The following EPHA3 variants were observed in gnomAD, a reference collection of about 807,000 sequenced individuals.
The protein encoded by EPHA3 is ephrin type-A receptor 3.
A neutral mutation model predicts 107.1 loss-of-function variants in EPHA3; 42 were observed. The observed-to-expected ratio is 0.39, with a 90% CI of 0.31 to 0.51. EPHA3 has a LOEUF of 0.51. EPHA3 is among the 20% of genes least tolerant of loss of function. The probability of loss-of-function intolerance (pLI) is 0.78; values close to 1 mark genes in which losing one functional copy is unlikely to be tolerated. For missense variants in EPHA3, 1,183 were observed against 1,211.2 expected (o/e 0.98, Z 0.35); for synonymous variants, 461 against 424.8 (o/e 1.09, Z -1.05).
At chr3:89,298,032 C>G (rs1395153069) in intron 3 of EPHA3, among the ~76,000 whole-genome samples, 3 of 152,110 alleles carry the variant, frequency 2.0e-5, no homozygotes, top group Non-Finnish European at 4.4e-5. Context: ...AAGACTTCCT[C>G]TCAAAAAACA....
intron 16 of EPHA3, 70 bp from the exon 17 acceptor site, chr3:89,479,327 G>C: frequency 8.3e-7 from 1 of 1,201,352 alleles, no homozygotes; most frequent in Non-Finnish European, 1.2e-6. Flanking sequence ...TGCAAATTGT[G>C]CTAATTGAAA....
chr3:89,230,509 C>T (rs1704603054), intron 3 of EPHA3, among the ~76,000 whole-genome samples: 1 of 151,954 alleles, frequency 6.6e-6, no homozygotes, highest in Admixed American at 6.6e-5. Context: ...TAGTATGAAG[C>T]TACTATAAAA....
chr3:89,142,776 A>G (rs960841161), intron 2 of EPHA3, among the ~76,000 whole-genome samples: 1 of 151,484 alleles, frequency 6.6e-6, no homozygotes, highest in Non-Finnish European at 1.5e-5. Flanking sequence ...TGTTATAATC[A>G]TTAGGAATTT....
intron 1 of EPHA3, among the ~76,000 whole-genome samples, chr3:89,109,347 A>G (rs918609375): frequency 6.6e-6 from 1 of 152,102 alleles, no homozygotes; most frequent in African/African-American, 2.4e-5. Flanking sequence ...TAACATGTAT[A>G]ATAGGTAACA....
chr3:89,202,346 A>T (rs1705987481), intron 2 of EPHA3, among the ~76,000 whole-genome samples: 1 of 151,252 alleles, frequency 6.6e-6, no homozygotes, highest in Non-Finnish European at 1.5e-5. Flanking sequence ...AATAAAAAAT[A>T]AATAAATAAA....
chr3:89,307,726 A>AT (rs977399573), intron 3 of EPHA3, among the ~76,000 whole-genome samples: 2 of 151,852 alleles, frequency 1.3e-5, no homozygotes, highest in African/African-American at 2.4e-5. Flanking sequence ...TAATTTTTGT[A>AT]TTTTTTTGCA....
intron 3 of EPHA3, among the ~76,000 whole-genome samples, chr3:89,295,265 A>AC (rs1264691930): frequency 2.6e-5 from 4 of 152,190 alleles, no homozygotes; most frequent in African/African-American, 9.6e-5. Flanking sequence ...ATACTTTATT[A>AC]CTAAAAAATG....
chr3:89,166,789 A>G (rs1210627372), intron 2 of EPHA3, among the ~76,000 whole-genome samples: 1 of 152,234 alleles, frequency 6.6e-6, no homozygotes, highest in Non-Finnish European at 1.5e-5. Flanking sequence ...GCACCCTTTT[A>G]TTAAATTGAC....
At chr3:89,290,944 T>A (rs1207138886) in intron 3 of EPHA3, among the ~76,000 whole-genome samples, 3 of 152,172 alleles carry the variant, frequency 2.0e-5, no homozygotes, top group Non-Finnish European at 1.5e-5. Context: ...AAAAGAACAA[T>A]GAATACCAAG....
In EPHA3 at chr3:89,151,884, C is replaced by T. The variant is rs530338947; in HGVS notation, c.153+24611C>T. The stretch of plus-strand genomic sequence containing the variant: ...ATGACCTGAAGCTCAAGTAAGAAAA[C>T]TTTTCTCCAAATTCTGTTTGCAATG... On this transcript the variant is annotated intron_variant, in intron 2 of 16. Coordinates refer to ENST00000336596, the MANE Select transcript of EPHA3 (RefSeq NM_005233.6). Among the ~76,000 whole-genome samples, 43 of 152,158 alleles carry T rather than the reference C, an allele frequency of 2.8e-4. 2 individuals carry two copies. The East Asian group carries it at 6.4e-3, about 23-fold the overall frequency.
At chr3:89,340,823 T>C (rs911039952) in intron 3 of EPHA3, 93 bp from the exon 4 acceptor site, 10 of 1,275,094 alleles carry the variant, frequency 7.8e-6, no homozygotes, top group Non-Finnish European at 1.0e-5. Flanking sequence ...TTTTTATTTA[T>C]AATAAATTCA....
intron 2 of EPHA3, among the ~76,000 whole-genome samples, chr3:89,208,052 C>A (rs1046863276): frequency 5.9e-5 from 9 of 152,056 alleles, no homozygotes; most frequent in African/African-American, 1.7e-4. Context: ...CAGAAGAATG[C>A]ACAGTCCCAT....
In EPHA3 at chr3:89,150,981, A is replaced by G. The variant is rs189456486; in HGVS notation, c.153+23708A>G. 5.0e-3 allele frequency among the ~76,000 whole-genome samples: 762 copies of G among 152,134 alleles called. 9 individuals are homozygous for G. Among genetic ancestry groups the G allele is most frequent in the African/African-American group, 0.017 (719 of 41,528 alleles). ...GACAGAGTGAGAACCTGTCTATAAA[A>G]AAGAAGACAATACAGACAAGTTCTA... is the stretch of plus-strand genomic sequence containing the variant. On this transcript the variant is annotated intron_variant, in intron 2 of 16. Coordinates refer to ENST00000336596, the MANE Select transcript of EPHA3 (RefSeq NM_005233.6).
At chr3:89,176,090 T>C (rs1705315201) in intron 2 of EPHA3, among the ~76,000 whole-genome samples, 1 of 152,188 alleles carries the variant, frequency 6.6e-6, no homozygotes, top group Non-Finnish European at 1.5e-5. Flanking sequence ...CATTTCTCAT[T>C]TTGTGATACA....
Position 89,305,739 on chromosome 3 carries a change from T to C in EPHA3, c.815-35177T>C, listed in dbSNP as rs138055444. 2.0e-5 allele frequency among the ~76,000 whole-genome samples: 3 copies of C among 152,236 alleles called. No individual in the cohort carries two copies. In the East Asian group the frequency reaches 5.8e-4, roughly 29 times the overall value. ...CCACTTTCACATTATCGCTTTCCCA[T>C]GTTTGACTCCAGTCTCCCGACTATG... On this transcript the variant is annotated intron_variant, in intron 3 of 16. Transcript: ENST00000336596.
rs67054298 is a variant in EPHA3 at position 89,136,330 on chromosome 3, C to CTTTTTTTT, written c.153+9074_153+9081dup. On this transcript the variant is annotated intron_variant, in intron 2 of 16. Transcript: ENST00000336596. ...GAAAAACATGGCAAAATCTTACAGG[C>CTTTTTTTT]TTTTTTTTTTTTTTTTTTTTTTTTG... Among the ~76,000 whole-genome samples, 31 of 23,376 alleles carry CTTTTTTTT rather than the reference C, an allele frequency of 1.3e-3. 7 individuals are homozygous for CTTTTTTTT. The highest frequency in any genetic ancestry group is 4.6e-3 in the African/African-American group (28 of 6,054). 15.3% of individuals were successfully genotyped at this position (23,376 alleles called of 152,430 possible).
chr3:89,460,823 C>CTCTTTTTTTTTTTTTTTTTTTTT (rs1199238290), intron 15 of EPHA3, among the ~76,000 whole-genome samples: 1 of 103,032 alleles, frequency 9.7e-6, no homozygotes, highest in Non-Finnish European at 2.1e-5. Flanking sequence ...CTCTGTCTCT[C>CTCTTTTTTTTTTTTTTTTTTTTT]TTTTTTTTTT....
chr3:89,384,312 C>T (rs1708570666), intron 5 of EPHA3, among the ~76,000 whole-genome samples: 1 of 152,050 alleles, frequency 6.6e-6, no homozygotes, highest in Admixed American at 6.5e-5. Flanking sequence ...AAAATTCCAT[C>T]AAAGTTAATG....
intron 3 of EPHA3, among the ~76,000 whole-genome samples, chr3:89,281,844 G>A (rs73846119): frequency 0.034 from 5,218 of 152,148 alleles, 303 homozygotes; most frequent in African/African-American, 0.12. Flanking sequence ...GATTTTATGC[G>A]CACTGTAAAA....
Sources: allele counts gnomAD v4.1 joint callset (sites outside exome capture counted in the v4.1 genomes callset), GRCh38; gene constraint gnomAD v4.1.1; transcripts MANE v1.5; gene names NCBI Gene and HGNC (gene_info 2026-07-23, HGNC 2026-07-21).